Variants in CDH13 observed in about 807,000 individuals in gnomAD.
CDH13 encodes cadherin 13.
CDH13 carries 24 observed loss-of-function variants against 63.8 expected under a neutral mutation model. The ratio of observed to expected loss-of-function variants is 0.38; its 90% CI spans 0.27 to 0.53. The LOEUF is 0.53. Ranked by LOEUF, CDH13 falls within the 20% of genes least tolerant of loss-of-function variation. The probability of loss-of-function intolerance (pLI) is 0.85; values close to 1 mark genes in which losing one functional copy is unlikely to be tolerated. For synonymous variants in CDH13, 503 were observed against 355.3 expected, an observed-to-expected ratio of 1.42 and a Z score of -4.67; for missense variants, 1,049 against 903.1, an observed-to-expected ratio of 1.16 and a Z score of -2.07.
At chr16:82,651,961 G>T (rs7190524) in intron 1 of CDH13, among the ~76,000 whole-genome samples, 4 of 152,186 alleles carry the variant, frequency 2.6e-5, no homozygotes, top group African/African-American at 9.7e-5. Context: ...AAGGGCCAGC[G>T]CCATCCAATC....
At chr16:83,681,091 A>C (rs1056924174) in intron 10 of CDH13, among the ~76,000 whole-genome samples, 1 of 151,900 alleles carries the variant, frequency 6.6e-6, no homozygotes, top group Non-Finnish European at 1.5e-5. Flanking sequence ...TGAACCAAGC[A>C]GAAGATGAGC....
At chr16:83,032,267 C>G in intron 3 of CDH13, 49 bp downstream of exon 3, 1 of 1,442,362 alleles carries the variant, frequency 6.9e-7, no homozygotes, top group South Asian at 1.2e-5. Flanking sequence ...ACATTAGGTT[C>G]TGTCTGTCTT....
chr16:83,485,471 C>T (rs148967947), intron 6 of CDH13, among the ~76,000 whole-genome samples: 21 of 152,260 alleles, frequency 1.4e-4, no homozygotes, highest in African/African-American at 5.1e-4. Flanking sequence ...TGTGAGTGAA[C>T]CCAACCATGT....
At chr16:82,697,412 A>ATTTCTTT (rs1182489723) in intron 1 of CDH13, among the ~76,000 whole-genome samples, 1 of 123,804 alleles carries the variant, frequency 8.1e-6, no homozygotes, top group African/African-American at 3.0e-5. Context: ...GGGCCAAGGC[A>ATTTCTTT]TTTCTTTTTT....
intron 10 of CDH13, among the ~76,000 whole-genome samples, chr16:83,682,537 G>C (rs1204591729): frequency 6.6e-6 from 1 of 152,166 alleles, no homozygotes; most frequent in Non-Finnish European, 1.5e-5. Context: ...TTGCTTGAAT[G>C]AGCTCACTGA....
chr16:82,804,028 G>C (rs2037010163), intron 1 of CDH13, among the ~76,000 whole-genome samples: 1 of 152,146 alleles, frequency 6.6e-6, no homozygotes, highest in African/African-American at 2.4e-5. Flanking sequence ...AAGAGATCGA[G>C]ACCAGCCTGA....
chr16:82,652,673 A>C (rs962190198), intron 1 of CDH13, among the ~76,000 whole-genome samples: 1 of 151,852 alleles, frequency 6.6e-6, no homozygotes, highest in Admixed American at 6.6e-5. Flanking sequence ...TTGGCTGTCA[A>C]ACCAACTTAA....
Position 83,633,360 on chromosome 16 carries a change from C to G in CDH13, c.1101+30766C>G, listed in dbSNP as rs142500656. Reference sequence around the variant, plus strand: ...TAAGAACCCCGAAATTGTCACATTGCGTGCAGTGGTTCCGGAGGTTTGACC... The same window carrying G: ...TAAGAACCCCGAAATTGTCACATTGGGTGCAGTGGTTCCGGAGGTTTGACC... On this transcript the variant is annotated intron_variant, in intron 8 of 13. Coordinates refer to ENST00000567109, the MANE Select transcript of CDH13 (RefSeq NM_001257.5). 1.4e-3 allele frequency among the ~76,000 whole-genome samples: 215 copies of G among 152,310 alleles called. 2 individuals carry two copies. The highest frequency in any genetic ancestry group is 4.9e-3 in the African/African-American group (204 of 41,578).
chr16:82,651,436 C>T (rs961507446), intron 1 of CDH13, among the ~76,000 whole-genome samples: 5 of 152,324 alleles, frequency 3.3e-5, no homozygotes, highest in African/African-American at 1.2e-4. Flanking sequence ...AGGGACTTGT[C>T]TTCTTCAGCA....
At chr16:83,175,751 C>T (rs1230200034) in intron 4 of CDH13, among the ~76,000 whole-genome samples, 1 of 151,682 alleles carries the variant, frequency 6.6e-6, no homozygotes, top group Non-Finnish European at 1.5e-5. Context: ...TCTATACCTT[C>T]CTTTATGTAA....
chr16:83,563,484 A>T (rs1449490698), intron 7 of CDH13, among the ~76,000 whole-genome samples: 1 of 152,204 alleles, frequency 6.6e-6, no homozygotes, highest in Non-Finnish European at 1.5e-5. Flanking sequence ...ATTTGGTTTG[A>T]GATGTTCAGA....
intron 1 of CDH13, among the ~76,000 whole-genome samples, chr16:82,768,205 C>A (rs2035133839): frequency 6.6e-6 from 1 of 152,186 alleles, no homozygotes; most frequent in African/African-American, 2.4e-5. Flanking sequence ...AAATTGCAAG[C>A]TGATGTCTTA....
intron 5 of CDH13, among the ~76,000 whole-genome samples, chr16:83,272,843 G>T (rs1431451962): frequency 6.6e-6 from 1 of 152,210 alleles, no homozygotes; most frequent in Non-Finnish European, 1.5e-5. Context: ...CAACTATTCT[G>T]TGCAGATCAG....
At chr16:83,674,614 A>C (rs1914799028) in intron 9 of CDH13, among the ~76,000 whole-genome samples, 1 of 152,262 alleles carries the variant, frequency 6.6e-6, no homozygotes, top group Non-Finnish European at 1.5e-5. Context: ...AGTCAAGCAC[A>C]AGCAGGTCTG....
At chr16:83,548,041 G>C (rs1315523898) in intron 7 of CDH13, among the ~76,000 whole-genome samples, 1 of 152,160 alleles carries the variant, frequency 6.6e-6, no homozygotes, top group Non-Finnish European at 1.5e-5. Flanking sequence ...TATATGCAGA[G>C]CTGAGTCTGG....
Position 83,379,006 on chromosome 16 carries a change from T to TAC in CDH13, c.781+34019_781+34020dup, listed in dbSNP as rs59189186. Among the ~76,000 whole-genome samples the TAC allele has an allele frequency of 2.5e-3, 372 of 149,024 alleles. 6 individuals are homozygous for TAC. The highest frequency in any genetic ancestry group is 7.9e-3 in the African/African-American group (321 of 40,736). Reference sequence around the variant, plus strand: ...ACACATGCATCTATATATATATATATACACACACACACACACACACGTGTG... The same window carrying TAC: ...ACACATGCATCTATATATATATATATACACACACACACACACACACACGTGTG... On this transcript the variant is annotated intron_variant, in intron 6 of 13. Transcript: ENST00000567109.
At chr16:83,360,350 T>C (rs2151384872) in intron 6 of CDH13, among the ~76,000 whole-genome samples, 1 of 152,328 alleles carries the variant, frequency 6.6e-6, no homozygotes, top group East Asian at 1.9e-4. Flanking sequence ...ATAATACACG[T>C]AGCAGCAGGG....
rs1904306980 is a variant in CDH13, at chr16:83,799,881, A to C, written c.*4851A>C. The C allele has an allele frequency of 6.6e-6, 1 of 152,190 alleles. No individual in the cohort carries two copies. The highest frequency in any genetic ancestry group is 1.5e-5 in the Non-Finnish European group (1 of 68,038). 9.4% of individuals were successfully genotyped at this position (152,190 alleles called of 1,614,324 possible). On this transcript the variant is annotated 3_prime_UTR_variant, in exon 14 of 14. Transcript: ENST00000567109. The stretch of plus-strand genomic sequence containing the variant: ...ATGAAAGCATATACAAGACATGGAG[A>C]GACAGCAAAAAATGGTGGGAATGGG...
chr16:83,046,087 C>G (rs572918371), intron 3 of CDH13, among the ~76,000 whole-genome samples: 85 of 152,320 alleles, frequency 5.6e-4, no homozygotes, highest in Non-Finnish European at 1.0e-3. Context: ...AAAGCCAAGT[C>G]TAGTCTCAAG....
Sources: allele counts gnomAD v4.1 joint callset (sites outside exome capture counted in the v4.1 genomes callset), GRCh38; gene constraint gnomAD v4.1.1; transcripts MANE v1.5; gene names NCBI Gene and HGNC (gene_info 2026-07-23, HGNC 2026-07-21).